The following PFKFB4 variants were observed in gnomAD, a reference collection of about 807,000 sequenced individuals.
PFKFB4 encodes the protein 6-phosphofructo-2-kinase/fructose-2,6-bisphosphatase 4.
Under a neutral mutation model 62.8 loss-of-function variants are expected in PFKFB4, and 42 were observed. The observed-to-expected ratio is 0.67, with a 90% CI of 0.52 to 0.86. PFKFB4 has a LOEUF of 0.86. Ranked by LOEUF, PFKFB4 falls within the 40% of genes least tolerant of loss-of-function variation. The pLI, the probability that PFKFB4 is intolerant of heterozygous loss-of-function variation, is 0.00. For synonymous variants in PFKFB4, 204 were observed against 240.7 expected, an observed-to-expected ratio of 0.85 and a Z score of 1.41; for missense variants, 475 against 627.2, an observed-to-expected ratio of 0.76 and a Z score of 2.59.
chr3:48,543,965 T>C (rs1295236950), intron 3 of PFKFB4, among the ~76,000 whole-genome samples: 3 of 152,046 alleles, frequency 2.0e-5, no homozygotes, highest in Non-Finnish European at 4.4e-5. Context: ...CTAATTGTCA[T>C]ATATTTTCCC....
intron 1 of PFKFB4, among the ~76,000 whole-genome samples, chr3:48,555,688 G>A (rs1432892008): frequency 6.6e-6 from 1 of 151,988 alleles, no homozygotes; most frequent in Non-Finnish European, 1.5e-5. Flanking sequence ...TTGAAGCCAT[G>A]AGTTGGAGAC....
upstream of PFKFB4, among the ~76,000 whole-genome samples, chr3:48,557,528 G>A (rs923745941): frequency 1.5e-4 from 23 of 152,106 alleles, no homozygotes; most frequent in Non-Finnish European, 2.6e-4. Flanking sequence ...GCTGCTGGGA[G>A]CAAATGCGTG....
intron 1 of PFKFB4, among the ~76,000 whole-genome samples, chr3:48,553,662 C>G (rs1309287913): frequency 1.3e-5 from 2 of 152,202 alleles, no homozygotes; most frequent in Non-Finnish European, 2.9e-5. Flanking sequence ...TGTTCCATTA[C>G]TTCTACCCAA....
intron 1 of PFKFB4, among the ~76,000 whole-genome samples, chr3:48,554,995 A>G (rs1179807500): frequency 1.4e-5 from 2 of 146,660 alleles, no homozygotes; most frequent in African/African-American, 5.0e-5. Context: ...GGTTGCAGTG[A>G]GCTGAGATAG....
chr3:48,538,548 G>A lies in PFKFB4; in HGVS notation c.582C>T (p.Arg194=). The part of the protein sequence containing the change: ...SDEATEDFMR[R]IECYENSYES... ...CGTAGGAGTTCTCATAGCACTCAAT[G>A]CGCCTCATGAAGTCCTCCGTAGCCT... The change falls in exon 7 of 14, where the codon CGC becomes CGT. Residue 194 remains arginine (R), a synonymous_variant. Coordinates refer to ENST00000232375, the MANE Select transcript of PFKFB4 (RefSeq NM_004567.4). 1.2e-6 allele frequency: 2 copies of A among 1,614,164 alleles called. No individual in the cohort carries two copies. The highest frequency in any genetic ancestry group is 1.7e-6 in the Non-Finnish European group (2 of 1,180,036).
chr3:48,536,727 G>C (rs1263015863), intron 7 of PFKFB4: 2 of 477,674 alleles, frequency 4.2e-6, no homozygotes, highest in Middle Eastern at 5.6e-4. Flanking sequence ...GACATCCAAA[G>C]TGGGGGGTCC....
chr3:48,525,441 C>T (rs774884132), intron 10 of PFKFB4, 124 bp downstream of exon 10: 34 of 543,056 alleles, frequency 6.3e-5, no homozygotes, highest in Non-Finnish European at 1.0e-4. Context: ...GGCTGGCAGG[C>T]CTCTGAGACC....
intron 12 of PFKFB4, among the ~76,000 whole-genome samples, chr3:48,522,989 T>C (rs188488779): frequency 0.022 from 3,341 of 151,914 alleles, 123 homozygotes; most frequent in African/African-American, 0.076. Context: ...TCTCTATCTC[T>C]TGACCTCGTG....
At chr3:48,523,494 A>T in intron 12 of PFKFB4, 43 bp downstream of exon 12, 2 of 1,569,324 alleles carry the variant, frequency 1.3e-6, no homozygotes, top group Non-Finnish European at 1.8e-6. Context: ...CAGAGATCCA[A>T]GGTCATGGCT....
upstream of PFKFB4, chr3:48,560,996 A>T: frequency 9.9e-7 from 1 of 1,014,272 alleles, no homozygotes; most frequent in Non-Finnish European, 1.3e-6. Flanking sequence ...CACCACCCTG[A>T]CTTCATCCAG....
chr3:48,539,811 G>T, intron 4 of PFKFB4, 40 bp from the exon 5 acceptor site: 1 of 1,535,518 alleles, frequency 6.5e-7, no homozygotes, highest in Non-Finnish European at 9.0e-7. Flanking sequence ...CTGGCCCTGG[G>T]GAAGGAAGGG....
upstream of PFKFB4, among the ~76,000 whole-genome samples, chr3:48,557,825 C>T (rs1380741878): frequency 1.3e-5 from 2 of 152,242 alleles, no homozygotes; most frequent in Admixed American, 6.5e-5. Context: ...GCGTGAGCCA[C>T]CGCGCCCGGC....
Position 48,549,884 on chromosome 3 carries a change from T to C in PFKFB4, c.291A>G (p.Glu97=). The C allele has an allele frequency of 6.2e-7, 1 of 1,611,952 alleles. No individual in the cohort carries two copies. Among genetic ancestry groups the C allele is most frequent in the South Asian group, 1.1e-5 (1 of 91,032 alleles). ...KSFEFFLPDN[E]EGLKIRKQCA... ...CTTACTTCCTGATTTTCAGGCCCTC[T>C]TCATTGTCGGGGAGAAAAAATTCAA... Residue 97 remains glutamate (E), a synonymous_variant, in exon 3 of 14, where the codon GAA becomes GAG. Transcript: ENST00000232375.
intron 10 of PFKFB4, among the ~76,000 whole-genome samples, chr3:48,524,703 G>GTA (rs1318800470): frequency 1.3e-5 from 2 of 152,180 alleles, no homozygotes; most frequent in African/African-American, 4.8e-5. Context: ...CCTGAGGATG[G>GTA]TACAGTGTAG....
intron 9 of PFKFB4, among the ~76,000 whole-genome samples, chr3:48,526,225 C>T (rs1210050324): frequency 6.6e-6 from 1 of 151,226 alleles, no homozygotes; most frequent in African/African-American, 2.4e-5. Context: ...CACTGCACTC[C>T]AGCCTGGGCA....
intron 9 of PFKFB4, among the ~76,000 whole-genome samples, chr3:48,527,539 G>T (rs887904893): frequency 6.6e-6 from 1 of 152,172 alleles, no homozygotes; most frequent in Middle Eastern, 3.4e-3. Context: ...TGGGATAGTG[G>T]GTAGAGGCTG....
intron 5 of PFKFB4, 51 bp from the exon 6 acceptor site, chr3:48,539,361 T>A: frequency 6.7e-7 from 1 of 1,491,312 alleles, no homozygotes; most frequent in South Asian, 1.1e-5. Context: ...AACACGGACA[T>A]GTTCAGGGCC....
In PFKFB4 at chr3:48,543,594, C is replaced by A; in HGVS notation, c.364G>T (p.Gly122Trp). The change falls in exon 4 of 14, where the codon GGG becomes TGG. Residue 122 changes from glycine to tryptophan, a missense_variant. Physicochemically the swap from Gly to Trp is radical, Grantham distance 184. Transcript: ENST00000232375. ...GTCACACTCACCGCCACATGTCCCC[C>A]CTCCTCACTAAGGAACCGCCGGACG... ...RDVRRFLSEE[G>W]GHVAVFDATN... 1 of 1,610,622 alleles carries A rather than the reference C, an allele frequency of 6.2e-7. No individual in the cohort carries two copies.
Position 48,556,371 on chromosome 3 carries a change from TGGGGATTGGAGA to T in PFKFB4, c.97+298_97+309del, listed in dbSNP as rs2043320730. 3.6e-6 allele frequency: 2 copies of T among 550,340 alleles called. No individual in the cohort carries two copies. The highest frequency in any genetic ancestry group is 6.7e-6 in the Non-Finnish European group (2 of 299,262). The allele number at this position is 550,340 out of a possible 1,614,324, so 34.1% of individuals were successfully genotyped here. On this transcript the variant is annotated intron_variant, in intron 1 of 13. Coordinates refer to ENST00000232375, the MANE Select transcript of PFKFB4 (RefSeq NM_004567.4). The surrounding 1 kb of genome is among the most constrained non-coding windows in gnomAD (Gnocchi z 5.7). ...AGGGTCCTCCCCAGACTGGGGGCGA[TGGGGATTGGAGA>T]GGGAAGCGAGGGGGCCAGAGCCCTC...
Sources: gnomAD v4.1 joint callset for allele counts (sites outside exome capture counted in the v4.1 genomes callset) on GRCh38, gnomAD v4.1.1 for gene constraint, Gnocchi (gnomAD v3.1) non-coding constraint, MANE v1.5 for transcripts, NCBI Gene and HGNC (gene_info 2026-07-23, HGNC 2026-07-21) for gene names.